HSD17B12: variants seen among roughly 807,000 people sequenced by gnomAD.
The protein encoded by HSD17B12 is very-long-chain 3-oxoacyl-CoA reductase.
HSD17B12 carries 32 observed loss-of-function variants against 39.3 expected under a neutral mutation model. That is an observed-to-expected ratio of 0.81 (90% CI 0.61 to 1.09). The LOEUF is 1.09. HSD17B12 is among the 50% of genes least tolerant of loss of function. The pLI is 0.00. For synonymous variants in HSD17B12, 150 were observed against 146.7 expected (o/e 1.02, Z -0.16); for missense variants, 342 against 382.9 (o/e 0.89, Z 0.89).
At chr11:43,610,138 T>G in the HSD17B12 span, among the ~76,000 whole-genome samples, 13 of 152,378 alleles carry the variant, frequency 8.5e-5, no homozygotes, top group African/African-American at 2.9e-4. Context: ...TTTTAGTCAC[T>G]TGAATTATTC....
the HSD17B12 span, among the ~76,000 whole-genome samples, chr11:43,566,774 T>C: frequency 3.9e-5 from 6 of 152,200 alleles, no homozygotes; most frequent in Non-Finnish European, 8.8e-5. Context: ...ATGATCCACC[T>C]GCCTTGGCCT....
upstream of HSD17B12, among the ~76,000 whole-genome samples, chr11:43,678,678 T>C (rs1330237969): frequency 1.3e-5 from 2 of 152,226 alleles, no homozygotes; most frequent in African/African-American, 4.8e-5. Flanking sequence ...CCAGCACCAT[T>C]TATTAAATAG....
chr11:43,589,880 C>G, the HSD17B12 span, among the ~76,000 whole-genome samples: 141 of 152,296 alleles, frequency 9.3e-4, no homozygotes, highest in Admixed American at 1.8e-3. Context: ...CGCCCTTCAG[C>G]AACTCTGAGC....
chr11:43,802,232 C>T (rs886922801), intron 4 of HSD17B12, among the ~76,000 whole-genome samples: 14 of 151,842 alleles, frequency 9.2e-5, no homozygotes, highest in South Asian at 4.2e-4. Flanking sequence ...ATGATCTGCC[C>T]GCCTCGGCCT....
the HSD17B12 span, among the ~76,000 whole-genome samples, chr11:43,562,808 T>C: frequency 6.6e-6 from 1 of 152,226 alleles, no homozygotes; most frequent in South Asian, 2.1e-4. Context: ...GCAACTTCCC[T>C]GGAGCTTTCA....
chr11:43,703,171 A>G (rs1359902335), intron 1 of HSD17B12, among the ~76,000 whole-genome samples: 2 of 152,184 alleles, frequency 1.3e-5, no homozygotes, highest in African/African-American at 4.8e-5. Flanking sequence ...TCATTTTTAA[A>G]TATTTCTAAT....
chr11:43,749,638 CTT>C (rs1036279426), intron 1 of HSD17B12, among the ~76,000 whole-genome samples: 1 of 140,676 alleles, frequency 7.1e-6, no homozygotes, highest in Non-Finnish European at 1.6e-5. Flanking sequence ...CTTTTTTTTT[CTT>C]TTTTTTTTTT....
intron 7 of HSD17B12, chr11:43,834,009 A>G (rs1459197508): frequency 1.3e-5 from 2 of 152,200 alleles, no homozygotes; most frequent in African/African-American, 4.8e-5. Flanking sequence ...AGCCCCTTTC[A>G]TAACTGTATT....
chr11:43,839,205 C>G (rs895010132), intron 8 of HSD17B12, among the ~76,000 whole-genome samples: 1 of 152,084 alleles, frequency 6.6e-6, no homozygotes, highest in Non-Finnish European at 1.5e-5. Flanking sequence ...ACTCCGACTT[C>G]TTTTTCATGT....
rs56259554 is a variant in HSD17B12 at position 43,794,317 on chromosome 11, A to C, written c.284-4003A>C. Reference sequence around the variant, plus strand: ...CAACCACAAGATTTTACTGTGAGATATTTAAACAAAACATTTGAATAAATG... The same window carrying C: ...CAACCACAAGATTTTACTGTGAGATCTTTAAACAAAACATTTGAATAAATG... On this transcript the variant is annotated intron_variant, in intron 3 of 10. Coordinates refer to ENST00000278353, the MANE Select transcript of HSD17B12 (RefSeq NM_016142.3). Among the ~76,000 whole-genome samples, 1,379 of 152,332 alleles carry C rather than the reference A, an allele frequency of 9.1e-3. 27 individuals are homozygous for C. Among genetic ancestry groups the C allele is most frequent in the African/African-American group, 0.032 (1,326 of 41,576 alleles).
chr11:43,718,794 C>T (rs1320822134), intron 1 of HSD17B12: 3 of 978,954 alleles, frequency 3.1e-6, no homozygotes, highest in African/African-American at 3.2e-5. Flanking sequence ...AAAAAGAAGA[C>T]CCGCACGTCA....
intron 4 of HSD17B12, among the ~76,000 whole-genome samples, chr11:43,812,943 G>C (rs569873562): frequency 6.6e-6 from 1 of 152,260 alleles, no homozygotes; most frequent in South Asian, 2.1e-4. Flanking sequence ...CTGGGTTCAA[G>C]CAATTCTCCT....
chr11:43,806,799 A>T (rs1321784359), intron 4 of HSD17B12, among the ~76,000 whole-genome samples: 1 of 152,192 alleles, frequency 6.6e-6, no homozygotes, highest in Non-Finnish European at 1.5e-5. Flanking sequence ...TCAATTGTAT[A>T]TTTCAAAATA....
chr11:43,596,379 A>G, the HSD17B12 span, among the ~76,000 whole-genome samples: 7 of 152,016 alleles, frequency 4.6e-5, no homozygotes, highest in Non-Finnish European at 8.8e-5. Context: ...AAAAAAAAAG[A>G]TGGTGTGCTT....
intron 1 of HSD17B12, among the ~76,000 whole-genome samples, chr11:43,750,096 TA>T (rs781030203): frequency 6.6e-6 from 1 of 151,850 alleles, no homozygotes; most frequent in African/African-American, 2.4e-5. Context: ...AAAAGTAGCT[TA>T]TGAAGATATA....
At chr11:43,583,414 T>A in the HSD17B12 span, among the ~76,000 whole-genome samples, 1 of 152,226 alleles carries the variant, frequency 6.6e-6, no homozygotes, top group African/African-American at 2.4e-5. Flanking sequence ...CTGCAGCTGC[T>A]GCTTGGGGCG....
chr11:43,731,088 C>T (rs1195143189), intron 1 of HSD17B12, among the ~76,000 whole-genome samples: 2 of 152,056 alleles, frequency 1.3e-5, no homozygotes, highest in Admixed American at 1.3e-4. Flanking sequence ...CCTCTGCCTC[C>T]CGGGTTCAAG....
chr11:43,738,385 C>T lies in HSD17B12; in HGVS notation c.161-12526C>T, dbSNP rs115059366. On this transcript the variant is annotated intron_variant, in intron 1 of 10. Transcript: ENST00000278353. ...ACTTTCCCTCCCCCAACCCCCACCC[C>T]CTCCAACAGGTCCCAGTGTGTGTTG... 7.1e-3 allele frequency among the ~76,000 whole-genome samples: 1,085 copies of T among 152,100 alleles called. 15 individuals are homozygous for T. Among genetic ancestry groups the T allele is most frequent in the African/African-American group, 0.025 (1,021 of 41,470 alleles).
At chr11:43,747,615 G>C (rs1288166233) in intron 1 of HSD17B12, among the ~76,000 whole-genome samples, 1 of 152,206 alleles carries the variant, frequency 6.6e-6, no homozygotes, top group Admixed American at 6.5e-5. Context: ...CCTTTGAAGC[G>C]TTGGAATGTG....
Sources: allele counts gnomAD v4.1 joint callset (sites outside exome capture counted in the v4.1 genomes callset), GRCh38; gene constraint gnomAD v4.1.1; transcripts MANE v1.5; gene names NCBI Gene and HGNC (gene_info 2026-07-23, HGNC 2026-07-21).